Variants in HDAC4 observed in about 807,000 individuals in gnomAD.
The protein encoded by HDAC4 is histone deacetylase 4, also known as histone deacetylase A.
A neutral mutation model predicts 135.1 loss-of-function variants in HDAC4; 16 were observed. That is an observed-to-expected ratio of 0.12 (90% CI 0.08 to 0.18). The LOEUF (loss-of-function observed/expected upper bound fraction) is 0.18, where lower values mean the gene tolerates loss of function less well. Among genes scored for constraint, HDAC4 ranks in the 10% least tolerant of loss-of-function variants. The pLI is 1.00. For missense variants in HDAC4, 1,143 were observed against 1,511.8 expected (o/e 0.76, Z 4.05); for synonymous variants, 685 against 653.4 (o/e 1.05, Z -0.74).
chr2:239,349,986 G>A lies in HDAC4; in HGVS notation c.22+2692C>T, dbSNP rs1013776063. ...CAACTCACATGGGCAGGACAGGCCC[G>A]GGCAGGCCGGTGATCAAACTGAACC... On this transcript the variant is annotated intron_variant, in intron 2 of 26. Transcript: ENST00000543185. This position sits in a 1 kb window ranked among gnomAD's most constrained non-coding sequence, Gnocchi z 5.7. Among the ~76,000 whole-genome samples, 7 of 152,304 alleles carry A rather than the reference G, an allele frequency of 4.6e-5. No individual in the cohort carries two copies. The highest frequency in any genetic ancestry group is 1.9e-4 in the East Asian group (1 of 5,180).
intron 3 of HDAC4, among the ~76,000 whole-genome samples, chr2:239,230,368 C>CAAAAAAAAAAAAAAAAAAAAAAAG (rs56105562): frequency 2.5e-5 from 2 of 79,394 alleles, no homozygotes; most frequent in African/African-American, 1.0e-4. Context: ...AGCAAGCAAG[C>CAAAAAAAAAAAAAAAAAAAAAAAG]AAAAAAAAAA....
intron 2 of HDAC4, among the ~76,000 whole-genome samples, chr2:239,258,143 T>G (rs759749639): frequency 2.0e-4 from 30 of 151,790 alleles, no homozygotes; most frequent in Non-Finnish European, 3.5e-4. Flanking sequence ...AAAGTGAAAT[T>G]AAGGACTCCA....
At chr2:239,368,714 C>A (rs375956440) in intron 1 of HDAC4, among the ~76,000 whole-genome samples, 79 of 152,220 alleles carry the variant, frequency 5.2e-4, no homozygotes, top group African/African-American at 1.6e-3. Flanking sequence ...AGGTGGGAGA[C>A]CTGGGCAGGC....
intron 2 of HDAC4, among the ~76,000 whole-genome samples, chr2:239,241,927 C>T (rs772990666): frequency 6.6e-6 from 1 of 152,074 alleles, no homozygotes. Context: ...CATAACTGTA[C>T]AATAACTCTT....
In HDAC4 at chr2:239,219,621, TAATAA is replaced by T. The variant is rs768178340; in HGVS notation, c.94+16967_94+16971del. Among the ~76,000 whole-genome samples the T allele has an allele frequency of 7.9e-4, 120 of 151,380 alleles. 1 individual carries two copies. Among genetic ancestry groups the T allele is most frequent in the African/African-American group, 2.3e-3 (95 of 41,278 alleles). On this transcript the variant is annotated intron_variant, in intron 3 of 26. Transcript: ENST00000543185. ...TACCCTAAAACTTAAAGTATAATAA[TAATAA>T]AATAAAATAAAATAAAATAAATAAA...
intron 3 of HDAC4, among the ~76,000 whole-genome samples, chr2:239,202,940 C>T (rs189237453): frequency 2.6e-5 from 4 of 152,254 alleles, no homozygotes; most frequent in East Asian, 3.9e-4. Context: ...CTGTCCACGC[C>T]GCCTGAGCAG....
At chr2:239,214,107 C>G (rs1421544534) in intron 3 of HDAC4, among the ~76,000 whole-genome samples, 1 of 152,208 alleles carries the variant, frequency 6.6e-6, no homozygotes, top group East Asian at 1.9e-4. Flanking sequence ...TATTATCTTA[C>G]AGTTCCGGAG....
rs548695920 is a variant in HDAC4, at chr2:239,231,421, C to T, written c.94+5172G>A. 5.9e-5 allele frequency among the ~76,000 whole-genome samples: 9 copies of T among 151,290 alleles called. No homozygotes were observed. In the South Asian group the frequency reaches 1.1e-3, roughly 18 times the overall value. On this transcript the variant is annotated intron_variant, in intron 3 of 26. Transcript: ENST00000543185. ...TATATGCTGAGCGACCCTGGGACAG[C>T]GGCCACGGGATCTGAGGCTCTGGCT...
chr2:239,073,280 G>A (rs1016718700), intron 22 of HDAC4, among the ~76,000 whole-genome samples: 1 of 152,222 alleles, frequency 6.6e-6, no homozygotes, highest in Non-Finnish European at 1.5e-5. Flanking sequence ...TGCGGCAGCT[G>A]TAGAAAGTGC....
chr2:239,348,901 C>G (rs1442408434), intron 2 of HDAC4, among the ~76,000 whole-genome samples: 1 of 152,206 alleles, frequency 6.6e-6, no homozygotes, highest in African/African-American at 2.4e-5. Context: ...CAAAGTTCAG[C>G]GGGAACAGCA....
rs2052772961 is a variant in HDAC4 at position 239,309,575 on chromosome 2, T to C, written c.22+43103A>G. 6.6e-6 allele frequency among the ~76,000 whole-genome samples: 1 copy of C among 152,248 alleles called. No individual in the cohort carries two copies. The highest frequency in any genetic ancestry group is 1.5e-5 in the Non-Finnish European group (1 of 68,048). On this transcript the variant is annotated intron_variant, in intron 2 of 26. Coordinates refer to ENST00000543185, the MANE Select transcript of HDAC4 (RefSeq NM_001378414.1). This position sits in a 1 kb window ranked among gnomAD's most constrained non-coding sequence, Gnocchi z 4.2. ...GGCCTGCATTTACTTCTCCTGCACC[T>C]GGCGGGAGGCTCTGGCCTTGCAGGC...
chr2:239,229,102 A>G (rs1240673033), intron 3 of HDAC4, among the ~76,000 whole-genome samples: 1 of 152,232 alleles, frequency 6.6e-6, no homozygotes, highest in Non-Finnish European at 1.5e-5. Flanking sequence ...AGATCCTGCC[A>G]CTGCACTCCA....
At chr2:239,081,309 G>GCCCAC in intron 21 of HDAC4, 117 bp from the exon 22 acceptor site, 1 of 818,812 alleles carries the variant, frequency 1.2e-6, no homozygotes, top group South Asian at 1.4e-5. Context: ...CCTGGGGAGA[G>GCCCAC]CCCACGTGTC....
intron 1 of HDAC4, among the ~76,000 whole-genome samples, chr2:239,368,873 G>C (rs377228828): frequency 6.6e-6 from 1 of 152,148 alleles, no homozygotes; most frequent in African/African-American, 2.4e-5. Context: ...CAAAACTATC[G>C]ATGTCGGCAT....
intron 2 of HDAC4, among the ~76,000 whole-genome samples, chr2:239,319,232 C>CT (rs776765887): frequency 6.6e-5 from 10 of 152,192 alleles, no homozygotes; most frequent in Non-Finnish European, 1.2e-4. Flanking sequence ...ATATAGGAAA[C>CT]TTTAAGGAGC....
intron 15 of HDAC4, among the ~76,000 whole-genome samples, chr2:239,104,597 G>A (rs1057503284): frequency 1.3e-5 from 2 of 152,204 alleles, no homozygotes; most frequent in Admixed American, 6.5e-5. Context: ...GCTGTGGCCA[G>A]GGCCAAGTTC....
At chr2:239,182,819 T>C (rs2044238176) in intron 4 of HDAC4, among the ~76,000 whole-genome samples, 1 of 152,162 alleles carries the variant, frequency 6.6e-6, no homozygotes, top group African/African-American at 2.4e-5. Flanking sequence ...CAAGGGAAGA[T>C]GGCCATTTCA....
intron 5 of HDAC4, among the ~76,000 whole-genome samples, chr2:239,168,902 G>A (rs2043279540): frequency 6.6e-6 from 1 of 152,224 alleles, no homozygotes; most frequent in Admixed American, 6.5e-5. Context: ...CCACCGGGAC[G>A]GCCGCCTGTG....
chr2:239,357,279 T>C (rs1024443341), intron 1 of HDAC4, among the ~76,000 whole-genome samples: 1 of 151,546 alleles, frequency 6.6e-6, no homozygotes, highest in Non-Finnish European at 1.5e-5. Flanking sequence ...AAAGAAAAAA[T>C]TTAAAAGAAG....
Sources: gnomAD v4.1 joint callset for allele counts (sites outside exome capture counted in the v4.1 genomes callset) on GRCh38, gnomAD v4.1.1 for gene constraint, Gnocchi (gnomAD v3.1) non-coding constraint, MANE v1.5 for transcripts, NCBI Gene and HGNC (gene_info 2026-07-23, HGNC 2026-07-21) for gene names.